Variants in SYN2 observed in about 807,000 individuals in gnomAD.
SYN2 encodes the protein synapsin-2.
SYN2 carries 19 observed loss-of-function variants against 50.9 expected under a neutral mutation model. The ratio of observed to expected loss-of-function variants is 0.37; its 90% CI spans 0.26 to 0.55. The LOEUF is 0.55. Ranked by LOEUF, SYN2 falls within the 20% of genes least tolerant of loss-of-function variation. The pLI is 0.81. For missense variants in SYN2, 587 were observed against 576.4 expected, an observed-to-expected ratio of 1.02 and a Z score of -0.19; for synonymous variants, 255 against 224.9, an observed-to-expected ratio of 1.13 and a Z score of -1.20.
chr3:12,189,372 AT>A (rs1698404668), intron 12 of SYN2, among the ~76,000 whole-genome samples: 1 of 152,042 alleles, frequency 6.6e-6, no homozygotes, highest in Non-Finnish European at 1.5e-5. Flanking sequence ...TGTAGTTTGG[AT>A]TTTCTCATTA....
intron 8 of SYN2, 85 bp downstream of exon 8, chr3:12,167,393 CA>C (rs1559450975): frequency 1.4e-6 from 2 of 1,392,164 alleles, no homozygotes; most frequent in East Asian, 5.0e-5. Context: ...AAGCTCTGTC[CA>C]AAGGGAGTCA....
In SYN2 at chr3:12,191,564, A is replaced by AC. The variant is rs549680443; in HGVS notation, c.*940dup. Among the ~76,000 whole-genome samples, 8 of 152,116 alleles carry AC rather than the reference A, an allele frequency of 5.3e-5. No individual in the cohort carries two copies. The South Asian group carries it at 1.7e-3, about 32-fold the overall frequency. ...AGTTTGTGTGTGTGACTGCAGGTGTACATGTGTTTGCAAGTGTTTGAGAAT... is the reference window on the plus strand; with the variant it reads ...AGTTTGTGTGTGTGACTGCAGGTGTACCATGTGTTTGCAAGTGTTTGAGAAT... On this transcript the variant is annotated 3_prime_UTR_variant, in exon 13 of 13. Coordinates refer to ENST00000621198, the MANE Select transcript of SYN2 (RefSeq NM_133625.6).
intron 1 of SYN2, among the ~76,000 whole-genome samples, chr3:12,109,718 G>A (rs914254888): frequency 6.6e-5 from 10 of 152,006 alleles, no homozygotes; most frequent in African/African-American, 2.4e-4. Context: ...AACTCTTCTG[G>A]GTTTGGGGTA....
intron 1 of SYN2, among the ~76,000 whole-genome samples, chr3:12,124,783 T>G (rs1048624328): frequency 3.3e-5 from 5 of 152,096 alleles, no homozygotes; most frequent in Non-Finnish European, 5.9e-5. Flanking sequence ...GTAGTAAAAC[T>G]ATATAAAAAC....
At chr3:12,030,520 G>C (rs1694360199) in intron 1 of SYN2, among the ~76,000 whole-genome samples, 1 of 151,144 alleles carries the variant, frequency 6.6e-6, no homozygotes, top group Non-Finnish European at 1.5e-5. Flanking sequence ...GACTCTTTTT[G>C]GTTGGTAAAC....
intron 1 of SYN2, among the ~76,000 whole-genome samples, chr3:12,095,459 A>G (rs1034499119): frequency 1.6e-5 from 2 of 127,662 alleles, no homozygotes; most frequent in African/African-American, 6.1e-5. Flanking sequence ...GAGGCAGGAG[A>G]ATGGTGTGAA....
rs2099838 is a variant in SYN2 at position 12,147,851 on chromosome 3, C to T, written c.684+2016C>T. ...ATTTGTGGCCAGACGTGGTGGCTCA[C>T]GCCTGTAATCCCAGCACTTTGGGAG... is the stretch of plus-strand genomic sequence containing the variant. On this transcript the variant is annotated intron_variant, in intron 4 of 12. Coordinates refer to ENST00000621198, the MANE Select transcript of SYN2 (RefSeq NM_133625.6). Among the ~76,000 whole-genome samples, 644 of 152,246 alleles carry T rather than the reference C, an allele frequency of 4.2e-3. 34 individuals carry two copies. In the East Asian group the frequency reaches 0.11, roughly 26 times the overall value.
intron 1 of SYN2, among the ~76,000 whole-genome samples, chr3:12,116,070 T>C (rs1168016070): frequency 2.6e-5 from 4 of 152,172 alleles, no homozygotes; most frequent in African/African-American, 4.8e-5. Flanking sequence ...CCAGAAAAGA[T>C]AGGCACCACT....
chr3:12,187,437 G>A lies in SYN2; in HGVS notation c.1438G>A (p.Gly480Arg). The A allele has an allele frequency of 6.4e-7, 1 of 1,552,886 alleles. No individual in the cohort carries two copies. Among genetic ancestry groups the A allele is most frequent in the Non-Finnish European group, 8.7e-7 (1 of 1,147,492 alleles). The stretch of plus-strand genomic sequence containing the variant: ...GCTGCCTCCACGCCGGCTCCCCCCT[G>A]GACCATCACTGCCACCTTCCTCCTC... ...KVLPPRRLPP[G>R]PSLPPSSSSS... The change falls in exon 12 of 13, where the codon GGA becomes AGA. Residue 480 changes from glycine to arginine, a missense_variant. Coordinates refer to ENST00000621198, the MANE Select transcript of SYN2 (RefSeq NM_133625.6).
chr3:12,043,263 ATCC>A (rs1694661281), intron 1 of SYN2, among the ~76,000 whole-genome samples: 1 of 152,046 alleles, frequency 6.6e-6, no homozygotes, highest in African/African-American at 2.4e-5. Context: ...ACTTCAAGCA[ATCC>A]TCCTGGAAAA....
Position 12,147,188 on chromosome 3 carries a change from G to GGT in SYN2, c.684+1368_684+1369dup, listed in dbSNP as rs149944209. 6.3e-3 allele frequency among the ~76,000 whole-genome samples: 948 copies of GGT among 151,374 alleles called. 15 individuals carry two copies. Among genetic ancestry groups the GGT allele is most frequent in the African/African-American group, 0.02 (821 of 41,354 alleles). On this transcript the variant is annotated intron_variant, in intron 4 of 12. Transcript: ENST00000621198. ...TACACCACTCAGAGAGCTGAAGAGG[G>GGT]GTGTGTGTGTGTGTGTATGTGTGTG... is the stretch of plus-strand genomic sequence containing the variant.
At position 12,191,724 on chromosome 3, in the gene SYN2, AGC is replaced by A. The variant is rs1438366176; in HGVS notation, c.*1100_*1101del. 6.6e-6 allele frequency among the ~76,000 whole-genome samples: 1 copy of A among 152,184 alleles called. No homozygotes were observed. The highest frequency in any genetic ancestry group is 1.5e-5 in the Non-Finnish European group (1 of 68,022). On this transcript the variant is annotated 3_prime_UTR_variant, in exon 13 of 13. Transcript: ENST00000621198. ...TACGGACTTTGTAACCTTTCAAATAAGCACAGAACCCTTGCTCCCGGAGGAGT... is the reference window on the plus strand; with the variant it reads ...TACGGACTTTGTAACCTTTCAAATAAACAGAACCCTTGCTCCCGGAGGAGT...
chr3:12,025,167 G>C (rs568891971), intron 1 of SYN2, among the ~76,000 whole-genome samples: 19 of 142,914 alleles, frequency 1.3e-4, no homozygotes, highest in Non-Finnish European at 2.3e-4. Context: ...TTCCCATCAT[G>C]GGGGGGGAGG....
intron 1 of SYN2, among the ~76,000 whole-genome samples, chr3:12,103,223 G>C (rs1336177977): frequency 6.6e-6 from 1 of 152,016 alleles, no homozygotes; most frequent in Non-Finnish European, 1.5e-5. Context: ...AGTCTTTCAA[G>C]AATCAGGATG....
At chr3:12,043,630 G>A (rs762907304) in intron 1 of SYN2, among the ~76,000 whole-genome samples, 10 of 152,128 alleles carry the variant, frequency 6.6e-5, no homozygotes, top group Non-Finnish European at 1.2e-4. Context: ...TCTGTTGATT[G>A]CCTGAGGAAT....
At chr3:12,077,047 G>A (rs1185797668) in intron 1 of SYN2, among the ~76,000 whole-genome samples, 1 of 152,118 alleles carries the variant, frequency 6.6e-6, no homozygotes. Flanking sequence ...TTTCCTCCCT[G>A]ATTTTTTCCT....
intron 1 of SYN2, among the ~76,000 whole-genome samples, chr3:12,095,755 TTTC>T (rs1179886379): frequency 6.6e-6 from 1 of 150,966 alleles, no homozygotes; most frequent in Non-Finnish European, 1.5e-5. Flanking sequence ...AGTGTTGGGA[TTTC>T]TCAGGGCTCA....
Position 12,187,356 on chromosome 3 carries a change from G to A in SYN2, c.1370-13G>A. 6.5e-7 allele frequency: 1 copy of A among 1,527,916 alleles called. No individual in the cohort carries two copies. The highest frequency in any genetic ancestry group is 1.7e-4 in the Middle Eastern group (1 of 5,858). The allele number at this position is 1,527,916 out of a possible 1,614,324, so 94.6% of individuals were successfully genotyped here. A position where few individuals can be genotyped will look rare whatever the true frequency, so the allele number is the denominator to read the frequency against. On this transcript the variant is annotated splice_polypyrimidine_tract_variant and intron_variant, in intron 11 of 12. Transcript: ENST00000621198. ...ATGGTTAAATTATGAAGTTTTTCTT[G>A]TACTGAACCTAGGGGGCCCTGGGCA...
intron 1 of SYN2, among the ~76,000 whole-genome samples, chr3:12,007,078 TGCA>T (rs893118758): frequency 1.3e-5 from 2 of 152,222 alleles, no homozygotes; most frequent in African/African-American, 4.8e-5. Context: ...ATGAAGCTGC[TGCA>T]GATTTCTGTT....
Sources: gnomAD v4.1 joint callset for allele counts (sites outside exome capture counted in the v4.1 genomes callset) on GRCh38, gnomAD v4.1.1 for gene constraint, MANE v1.5 for transcripts, NCBI Gene and HGNC (gene_info 2026-07-23, HGNC 2026-07-21) for gene names.